Variants in MAN2B2 observed in about 807,000 individuals in gnomAD.
MAN2B2 encodes epididymis-specific alpha-mannosidase.
Under a neutral mutation model 117.1 loss-of-function variants are expected in MAN2B2, and 106 were observed. That is an observed-to-expected ratio of 0.90 (90% CI 0.77 to 1.06). MAN2B2 has a LOEUF of 1.06. MAN2B2 is among the 50% of genes least tolerant of loss of function. The probability of loss-of-function intolerance (pLI) is 0.00; values close to 1 mark genes in which losing one functional copy is unlikely to be tolerated. For synonymous variants in MAN2B2, 544 were observed against 595.1 expected, an observed-to-expected ratio of 0.91 and a Z score of 1.25; for missense variants, 1,326 against 1,381.4, an observed-to-expected ratio of 0.96 and a Z score of 0.64.
At chr4:6,584,096 C>T (rs556799432) in intron 3 of MAN2B2, among the ~76,000 whole-genome samples, 9 of 152,344 alleles carry the variant, frequency 5.9e-5, no homozygotes, top group Admixed American at 2.6e-4. Flanking sequence ...CTAGTGCTGG[C>T]TGCCAATTTC....
intron 9 of MAN2B2, among the ~76,000 whole-genome samples, chr4:6,600,419 C>T (rs899032603): frequency 6.6e-6 from 1 of 152,202 alleles, no homozygotes; most frequent in African/African-American, 2.4e-5. Context: ...CCTGCCCTGC[C>T]CTGGAAGCCA....
intron 7 of MAN2B2, among the ~76,000 whole-genome samples, chr4:6,595,850 T>C (rs1399667769): frequency 6.6e-6 from 1 of 152,216 alleles, no homozygotes; most frequent in Non-Finnish European, 1.5e-5. Flanking sequence ...CCTGCCTCTC[T>C]GGGCCCCAGC....
At chr4:6,579,360 A>C (rs1577270365) in intron 3 of MAN2B2, among the ~76,000 whole-genome samples, 1 of 97,658 alleles carries the variant, frequency 1.0e-5, no homozygotes, top group Non-Finnish European at 2.1e-5. Flanking sequence ...CACCACCACC[A>C]TCACCATCAC....
chr4:6,588,843 G>A (rs1322263341), intron 4 of MAN2B2, among the ~76,000 whole-genome samples: 1 of 152,204 alleles, frequency 6.6e-6, no homozygotes, highest in East Asian at 1.9e-4. Flanking sequence ...ATCGAGGAGT[G>A]GGTGGGGTGA....
intron 3 of MAN2B2, among the ~76,000 whole-genome samples, chr4:6,582,741 C>T (rs116166491): frequency 0.044 from 6,721 of 152,104 alleles, 513 homozygotes; most frequent in African/African-American, 0.15. Flanking sequence ...GAACTCCTGA[C>T]CTCAACATCA....
rs370916504 is a variant in MAN2B2, at chr4:6,610,045, G to A, written c.2254G>A (p.Ala752Thr). Reference sequence around the variant, plus strand: ...CGTTTCCTATGTGAACAACAGCATCGCCCGGGTATGTCCTGCAATGCCCAC... The same window carrying A: ...CGTTTCCTATGTGAACAACAGCATCACCCGGGTATGTCCTGCAATGCCCAC... Reference protein sequence around the residue: ...PYVSYVNNSIARNYYPMVQSA... With the variant: ...PYVSYVNNSITRNYYPMVQSA... The change falls in exon 13 of 19, where the codon GCC becomes ACC. Residue 752 changes from alanine (A) to threonine (T), a missense_variant. By Grantham distance (58) the Ala-to-Thr change is moderately conservative. Transcript: ENST00000285599. 7.4e-6 allele frequency: 12 copies of A among 1,613,860 alleles called. No individual in the cohort carries two copies. Among genetic ancestry groups the A allele is most frequent in the East Asian group, 4.5e-5 (2 of 44,882 alleles).
intron 9 of MAN2B2, among the ~76,000 whole-genome samples, chr4:6,599,426 G>T: frequency 6.6e-6 from 1 of 152,052 alleles, no homozygotes; most frequent in East Asian, 1.9e-4. Context: ...ACTTTGGGAG[G>T]CCGAGGCGGG....
intron 3 of MAN2B2, among the ~76,000 whole-genome samples, chr4:6,579,348 AT>A (rs1726315523): frequency 4.3e-5 from 5 of 116,642 alleles, no homozygotes; most frequent in African/African-American, 1.6e-4. Flanking sequence ...CACCATCACC[AT>A]CACCACCACC....
At chr4:6,584,900 G>C (rs1726574010) in intron 3 of MAN2B2, among the ~76,000 whole-genome samples, 1 of 152,164 alleles carries the variant, frequency 6.6e-6, no homozygotes, top group Non-Finnish European at 1.5e-5. Context: ...AGTGAAAAAG[G>C]GGTGCTGACT....
intron 3 of MAN2B2, among the ~76,000 whole-genome samples, chr4:6,581,529 G>C (rs953667015): frequency 6.6e-6 from 1 of 152,002 alleles, no homozygotes; most frequent in African/African-American, 2.4e-5. Flanking sequence ...CAGGCATTCT[G>C]GCTGTGAATT....
intron 16 of MAN2B2, among the ~76,000 whole-genome samples, chr4:6,614,979 T>C (rs913136569): frequency 2.6e-5 from 4 of 152,262 alleles, no homozygotes; most frequent in African/African-American, 9.6e-5. Flanking sequence ...CTTGTCCTGT[T>C]GCCAGAGCCC....
At chr4:6,618,683 G>T (rs770870829) in intron 17 of MAN2B2, 1 of 152,454 alleles carries the variant, frequency 6.6e-6, no homozygotes, top group South Asian at 2.1e-4. Context: ...GACCTGAGCC[G>T]CCTCATTTCT....
At chr4:6,619,701 C>T in intron 17 of MAN2B2, 2 of 481,300 alleles carry the variant, frequency 4.2e-6, no homozygotes, top group Non-Finnish European at 7.5e-6. Flanking sequence ...CCTGGTAAAG[C>T]ATGCACCTCC....
chr4:6,583,817 C>T (rs963408085), intron 3 of MAN2B2, among the ~76,000 whole-genome samples: 1 of 152,226 alleles, frequency 6.6e-6, no homozygotes, highest in Non-Finnish European at 1.5e-5. Context: ...GGCTGGTCCC[C>T]TTTCCCATGA....
Position 6,605,980 on chromosome 4 carries a change from C to G in MAN2B2, c.1814+651C>G, listed in dbSNP as rs543481749. ...TATTTGTGGACATCAGAGTGGGCAG[C>G]TGACCTCCCAAGAAAGACCTCGTGG... On this transcript the variant is annotated intron_variant, in intron 11 of 18. Coordinates refer to ENST00000285599, the MANE Select transcript of MAN2B2 (RefSeq NM_015274.3). 5.3e-5 allele frequency among the ~76,000 whole-genome samples: 8 copies of G among 152,358 alleles called. No individual in the cohort carries two copies. In the South Asian group the frequency reaches 1.4e-3, roughly 28 times the overall value.
At chr4:6,589,214 C>A in intron 5 of MAN2B2, 54 bp downstream of exon 5, 3 of 1,315,510 alleles carry the variant, frequency 2.3e-6, no homozygotes, top group Non-Finnish European at 2.2e-6. Flanking sequence ...GTCTGCCCAG[C>A]CCCTGCAGCT....
chr4:6,610,517 T>C (rs539759899), intron 13 of MAN2B2, among the ~76,000 whole-genome samples: 17 of 152,366 alleles, frequency 1.1e-4, no homozygotes, highest in African/African-American at 4.1e-4. Context: ...GCGTGCAGGC[T>C]GTGAGTCAGA....
chr4:6,597,858 AG>A (rs1560649498), intron 8 of MAN2B2, among the ~76,000 whole-genome samples: 1 of 152,230 alleles, frequency 6.6e-6, no homozygotes, highest in Non-Finnish European at 1.5e-5. Context: ...TATCCAAAAA[AG>A]GGTCACACCA....
In MAN2B2 at chr4:6,623,045, G is replaced by C. The variant is rs896581014; in HGVS notation, c.*1760G>C. ...CCTTTAGAGCATGTGGGCTGCATGA[G>C]GCTTGGTTTCTGTGTCAAGAAGACT... On this transcript the variant is annotated 3_prime_UTR_variant, in exon 19 of 19. Coordinates refer to ENST00000285599, the MANE Select transcript of MAN2B2 (RefSeq NM_015274.3). 1 of 151,816 alleles carries C rather than the reference G, an allele frequency of 6.6e-6. No homozygotes were observed. The highest frequency in any genetic ancestry group is 1.5e-5 in the Non-Finnish European group (1 of 68,162). 9.4% of individuals were successfully genotyped at this position (151,816 alleles called of 1,614,324 possible).
Sources: gnomAD v4.1 joint callset for allele counts (sites outside exome capture counted in the v4.1 genomes callset) on GRCh38, gnomAD v4.1.1 for gene constraint, MANE v1.5 for transcripts, NCBI Gene and HGNC (gene_info 2026-07-23, HGNC 2026-07-21) for gene names.